RARRES1: variants seen among roughly 807,000 people sequenced by gnomAD.
RARRES1 encodes the protein retinoic acid receptor responder 1.
Under a neutral mutation model 30.6 loss-of-function variants are expected in RARRES1, and 34 were observed. That is an observed-to-expected ratio of 1.11 (90% CI 0.84 to 1.48). The LOEUF is 1.48. RARRES1 is among the 40% of genes most tolerant of loss of function. The pLI, the probability that RARRES1 is intolerant of heterozygous loss-of-function variation, is 0.00. For missense variants in RARRES1, 373 were observed against 386.5 expected, an observed-to-expected ratio of 0.97 and a Z score of 0.29; for synonymous variants, 153 against 155.5, an observed-to-expected ratio of 0.98 and a Z score of 0.12.
At chr3:158,700,233 A>G (rs199854761) in intron 4 of RARRES1, among the ~76,000 whole-genome samples, 2,019 of 133,182 alleles carry the variant, frequency 0.015, 22 homozygotes, top group East Asian at 0.038. Context: ...GTATATATAT[A>G]TATATAAATT....
intron 1 of RARRES1, among the ~76,000 whole-genome samples, chr3:158,714,242 G>C (rs1273817829): frequency 6.6e-6 from 1 of 152,186 alleles, no homozygotes; most frequent in Non-Finnish European, 1.5e-5. Context: ...GGACTGACGA[G>C]GACTTGCCCT....
intron 3 of RARRES1, among the ~76,000 whole-genome samples, chr3:158,708,181 C>CT (rs895766641): frequency 3.9e-5 from 6 of 152,078 alleles, no homozygotes; most frequent in Non-Finnish European, 8.8e-5. Flanking sequence ...TGGATATAAA[C>CT]TTTTTTGCTT....
At chr3:158,726,027 T>C (rs75267618) in intron 1 of RARRES1, among the ~76,000 whole-genome samples, 28,199 of 152,244 alleles carry the variant, frequency 0.19, 2,911 homozygotes, top group African/African-American at 0.27. Context: ...CCTGCTGTTC[T>C]TTCCTAATGC....
chr3:158,732,033 C>T (rs1332035247), intron 1 of RARRES1, 107 bp downstream of exon 1: 7 of 1,131,168 alleles, frequency 6.2e-6, no homozygotes, highest in Non-Finnish European at 7.9e-6. Context: ...TGCACCTTCC[C>T]TGGCGGACCA....
intron 1 of RARRES1, among the ~76,000 whole-genome samples, chr3:158,729,783 GA>G (rs1024566659): frequency 1.3e-5 from 2 of 151,732 alleles, no homozygotes; most frequent in Non-Finnish European, 2.9e-5. Flanking sequence ...TTTGGAAGGG[GA>G]AAAAAAATCT....
chr3:158,708,981 A>AT (rs1188056611), intron 3 of RARRES1, among the ~76,000 whole-genome samples: 1 of 152,144 alleles, frequency 6.6e-6, no homozygotes, highest in Admixed American at 6.5e-5. Context: ...ACTGGGTAAA[A>AT]TTTACCTTAT....
In RARRES1 at chr3:158,708,188, G is replaced by A. The variant is rs529306009; in HGVS notation, c.535+2550C>T. Among the ~76,000 whole-genome samples the A allele has an allele frequency of 3.3e-5, 5 of 151,894 alleles. No homozygotes were observed. In the East Asian group the frequency reaches 9.6e-4, roughly 29 times the overall value. ...CAATATCTTGGATATAAACTTTTTTGCTTATTTTGCTTTTAAGAGGTTTCC... is the reference window on the plus strand; with the variant it reads ...CAATATCTTGGATATAAACTTTTTTACTTATTTTGCTTTTAAGAGGTTTCC... On this transcript the variant is annotated intron_variant, in intron 3 of 5. Coordinates refer to ENST00000237696, the MANE Select transcript of RARRES1 (RefSeq NM_206963.2).
chr3:158,731,656 A>G (rs1727892081), intron 1 of RARRES1, among the ~76,000 whole-genome samples: 1 of 152,240 alleles, frequency 6.6e-6, no homozygotes, highest in African/African-American at 2.4e-5. Context: ...GCAATTAACA[A>G]GAGACAGTCG....
intron 3 of RARRES1, among the ~76,000 whole-genome samples, chr3:158,708,043 C>T (rs111291364): frequency 1.1e-4 from 16 of 152,236 alleles, no homozygotes; most frequent in African/African-American, 2.6e-4. Flanking sequence ...AAGTATGTTT[C>T]GGACTTCTAC....
chr3:158,727,743 A>G (rs1727737335), intron 1 of RARRES1, among the ~76,000 whole-genome samples: 1 of 152,182 alleles, frequency 6.6e-6, no homozygotes, highest in African/African-American at 2.4e-5. Context: ...TAAAAGCCTC[A>G]TTGGTTATGG....
Sources: allele counts gnomAD v4.1 joint callset (sites outside exome capture counted in the v4.1 genomes callset), GRCh38; gene constraint gnomAD v4.1.1; transcripts MANE v1.5; gene names NCBI Gene and HGNC (gene_info 2026-07-23, HGNC 2026-07-21).